REV3L: variants seen among roughly 807,000 people sequenced by gnomAD.
REV3L encodes REV3 like, DNA directed polymerase zeta catalytic subunit.
In REV3L, 69 loss-of-function variants were observed where a neutral mutation model predicts 299.4. The ratio of observed to expected loss-of-function variants is 0.23; its 90% CI spans 0.19 to 0.28. The LOEUF (loss-of-function observed/expected upper bound fraction) is 0.28, where lower values mean the gene tolerates loss of function less well. Ranked by LOEUF, REV3L falls within the 10% of genes least tolerant of loss-of-function variation. REV3L has a pLI of 1.00. For synonymous variants in REV3L, 1,238 were observed against 1,271.4 expected, an observed-to-expected ratio of 0.97 and a Z score of 0.56; for missense variants, 3,128 against 3,693.8, an observed-to-expected ratio of 0.85 and a Z score of 3.97.
intron 1 of REV3L, among the ~76,000 whole-genome samples, chr6:111,478,658 G>A (rs1240977580): frequency 1.3e-5 from 2 of 149,798 alleles, no homozygotes; most frequent in Non-Finnish European, 3.0e-5. Flanking sequence ...TATTCTGGTA[G>A]TTTCTTATAT....
intron 18 of REV3L, chr6:111,356,767 A>G (rs1778132103): frequency 9.1e-6 from 2 of 219,970 alleles, no homozygotes; most frequent in Non-Finnish European, 8.9e-6. Context: ...GGCTAAACAA[A>G]TATTTGTCTT....
Position 111,416,266 on chromosome 6 carries a change from T to C in REV3L, c.329+17A>G, listed in dbSNP as rs1054598410. On this transcript the variant is annotated intron_variant, in intron 2 of 31. Coordinates refer to ENST00000368802, the MANE Select transcript of REV3L (RefSeq NM_001372078.1). ...CAACATAAACAGAAATTATAAAATA[T>C]ATTATCATATACTTACATTCCTGAT... 3.3e-6 allele frequency: 5 copies of C among 1,516,538 alleles called. 1 individual carries two copies. The Admixed American group carries it at 5.7e-5, about 17-fold the overall frequency. The allele number at this position is 1,516,538 out of a possible 1,614,324, so 93.9% of individuals were successfully genotyped here. A position where few individuals can be genotyped will look rare whatever the true frequency, so the allele number is the denominator to read the frequency against.
chr6:111,315,466 CTT>C, intron 26 of REV3L, 85 bp from the exon 27 acceptor site: 1 of 967,404 alleles, frequency 1.0e-6, no homozygotes, highest in Non-Finnish European at 1.6e-6. Context: ...GGCTATGACT[CTT>C]GTCTAATGCC....
intron 26 of REV3L, among the ~76,000 whole-genome samples, chr6:111,318,295 G>C (rs1002462567): frequency 6.6e-6 from 1 of 151,446 alleles, no homozygotes; most frequent in Non-Finnish European, 1.5e-5. Flanking sequence ...CACCGTGTTA[G>C]CCAGGATGGT....
At chr6:111,462,646 C>T (rs190378023) in intron 1 of REV3L, among the ~76,000 whole-genome samples, 5 of 152,208 alleles carry the variant, frequency 3.3e-5, no homozygotes, top group African/African-American at 1.2e-4. Context: ...AAACTTAAGT[C>T]TGACAATCCT....
At position 111,307,626 on chromosome 6, in the gene REV3L, A is replaced by G. The variant is rs538549350; in HGVS notation, c.9043-56T>C. 77 of 1,518,486 alleles carry G rather than the reference A, an allele frequency of 5.1e-5. No individual in the cohort carries two copies. In the East Asian group the frequency reaches 1.7e-3, roughly 33 times the overall value. The allele number at this position is 1,518,486 out of a possible 1,614,324, so 94.1% of individuals were successfully genotyped here. A position where few individuals can be genotyped will look rare whatever the true frequency, so the allele number is the denominator to read the frequency against. On this transcript the variant is annotated intron_variant, in intron 30 of 31. Transcript: ENST00000368802. ...GAGTCAGCTTCACAGCAAAGCTGCT[A>G]TTTTCATGCTAATTACAGGTTTACT...
intron 1 of REV3L, among the ~76,000 whole-genome samples, chr6:111,467,459 C>T (rs751311999): frequency 1.3e-5 from 2 of 152,192 alleles, no homozygotes; most frequent in Non-Finnish European, 2.9e-5. Context: ...CTAACATACC[C>T]ATGTGGTTGA....
chr6:111,315,222 G>A (rs771743235), intron 27 of REV3L, 45 bp downstream of exon 27: 2 of 1,393,432 alleles, frequency 1.4e-6, no homozygotes, highest in East Asian at 2.4e-5. Context: ...TCTCTAGAAG[G>A]TATATGAATT....
chr6:111,394,541 T>A (rs929514452), intron 4 of REV3L, among the ~76,000 whole-genome samples: 1 of 152,172 alleles, frequency 6.6e-6, no homozygotes, highest in Non-Finnish European at 1.5e-5. Context: ...TGCAAATATT[T>A]TCTCTCATTC....
At chr6:111,370,154 T>G (rs917527992) in intron 13 of REV3L, among the ~76,000 whole-genome samples, 2 of 152,164 alleles carry the variant, frequency 1.3e-5, no homozygotes, top group African/African-American at 4.8e-5. Context: ...TTCAAAAATA[T>G]TTTTCAAAAA....
rs778994235 is a variant in REV3L at position 111,374,121 on chromosome 6, C to T, written c.4234G>A (p.Asp1412Asn). The T allele has an allele frequency of 2.5e-6, 4 of 1,614,080 alleles. No homozygotes were observed. Among genetic ancestry groups the T allele is most frequent in the African/African-American group, 1.3e-5 (1 of 75,036 alleles). The change falls in exon 13 of 32, where the codon GAC becomes AAC. Residue 1412 changes from aspartate to asparagine, a missense_variant. Around this residue, in one of 9 missense-constraint regions of REV3L, gnomAD observed 2,409 missense variants for 2,611.8 expected, o/e 0.92. Transcript: ENST00000368802. Reference protein sequence around the residue: ...EYRNSLESKLDQAYTPNFLHC... With the variant: ...EYRNSLESKLNQAYTPNFLHC... Reference sequence around the variant, plus strand: ...AAAAAATTAGGGGTATATGCTTGGTCCAGCTTTGATTCTAGGGAATTGCGA... The same window carrying T: ...AAAAAATTAGGGGTATATGCTTGGTTCAGCTTTGATTCTAGGGAATTGCGA...
intron 2 of REV3L, among the ~76,000 whole-genome samples, chr6:111,414,044 T>C (rs1013265094): frequency 1.3e-5 from 2 of 152,050 alleles, no homozygotes; most frequent in Non-Finnish European, 2.9e-5. Flanking sequence ...AGTCATCTCA[T>C]ACATGCTAGT....
intron 1 of REV3L, among the ~76,000 whole-genome samples, chr6:111,427,352 G>C (rs1246089783): frequency 6.6e-6 from 1 of 152,108 alleles, no homozygotes; most frequent in Non-Finnish European, 1.5e-5. Flanking sequence ...TAAGGGACTT[G>C]TATCTAGAAC....
Position 111,365,338 on chromosome 6 carries a change from T to C in REV3L, c.6680A>G (p.Lys2227Arg), listed in dbSNP as rs763186100. The change falls in exon 15 of 32, where the codon AAA (lysine) becomes AGA (arginine). Residue 2227 changes from lysine to arginine, a missense_variant. By Grantham distance (26) the Lys-to-Arg change is conservative (BLOSUM62 2). Coordinates refer to ENST00000368802, the MANE Select transcript of REV3L (RefSeq NM_001372078.1). The stretch of plus-strand genomic sequence containing the variant: ...TTTCTTATTACTCAACTTCTGTGTT[T>C]TTGGTTCTGTAGAAAGAAATTTAAT... ...PGLSPLSTEPKTQKLSNKKGS... is the reference protein window; with the variant it reads ...PGLSPLSTEPRTQKLSNKKGS... The C allele has an allele frequency of 6.4e-7, 1 of 1,559,352 alleles. No individual in the cohort carries two copies. Among genetic ancestry groups the C allele is most frequent in the Non-Finnish European group, 8.7e-7 (1 of 1,151,184 alleles).
chr6:111,403,540 C>T (rs1783313778), intron 4 of REV3L, among the ~76,000 whole-genome samples: 1 of 152,142 alleles, frequency 6.6e-6, no homozygotes, highest in Admixed American at 6.5e-5. Flanking sequence ...TCTGATGTTA[C>T]TATTGTTAAT....
chr6:111,306,395 C>T (rs1392323780), intron 31 of REV3L, among the ~76,000 whole-genome samples: 4 of 151,992 alleles, frequency 2.6e-5, no homozygotes, highest in African/African-American at 2.4e-5. Context: ...AGCAAGAAAT[C>T]GTGACAGAGG....
In REV3L at chr6:111,482,998, G is replaced by A. The variant is rs1562385886; in HGVS notation, c.-110C>T. ...CGGCGCCCCCTCCCCTTCTCGGCAC[G>A]GCCCCCTCCCCTCACACAGAGGCAC... On this transcript the variant is annotated 5_prime_UTR_variant, in exon 1 of 32. Transcript: ENST00000368802. 7 of 1,295,604 alleles carry A rather than the reference G, an allele frequency of 5.4e-6. No individual in the cohort carries two copies. Among genetic ancestry groups the A allele is most frequent in the Non-Finnish European group, 5.0e-6 (5 of 996,170 alleles). 80.3% of individuals were successfully genotyped at this position (1,295,604 alleles called of 1,614,324 possible).
In REV3L at chr6:111,315,558, A is replaced by C. The variant is rs1293007627; in HGVS notation, c.8352-177T>G. The C allele has an allele frequency of 6.9e-6, 4 of 580,526 alleles. No individual in the cohort carries two copies. The Admixed American group carries it at 1.2e-4, about 17-fold the overall frequency. The allele number at this position is 580,526 out of a possible 1,614,324, so 36.0% of individuals were successfully genotyped here. A position where few individuals can be genotyped will look rare whatever the true frequency, so the allele number is the denominator to read the frequency against. On this transcript the variant is annotated intron_variant, in intron 26 of 31. Transcript: ENST00000368802. ...TCCTGTTTTATTACTTTCCTTATGTACTTATATCTTGTTACAAATCTTTTA... is the reference window on the plus strand; with the variant it reads ...TCCTGTTTTATTACTTTCCTTATGTCCTTATATCTTGTTACAAATCTTTTA...
At chr6:111,356,977 G>T in intron 18 of REV3L, 37 bp downstream of exon 18, 1 of 1,169,172 alleles carries the variant, frequency 8.6e-7, no homozygotes, top group South Asian at 1.5e-5. Context: ...ACGACTCTCT[G>T]AATAAAACTG....
Sources: gnomAD v4.1 joint callset for allele counts (sites outside exome capture counted in the v4.1 genomes callset) on GRCh38, gnomAD v4.1.1 for gene constraint, gnomAD v4.1.1 regional missense constraint, MANE v1.5 for transcripts, NCBI Gene and HGNC (gene_info 2026-07-23, HGNC 2026-07-21) for gene names.